AGBL4: variants seen among roughly 807,000 people sequenced by gnomAD.
AGBL4 encodes cytosolic carboxypeptidase 6.
A neutral mutation model predicts 66.4 loss-of-function variants in AGBL4; 58 were observed. The ratio of observed to expected loss-of-function variants is 0.87; its 90% CI spans 0.71 to 1.09. The LOEUF is 1.09. Among genes scored for constraint, AGBL4 ranks in the 50% least tolerant of loss-of-function variants. The pLI is 0.00. For synonymous variants in AGBL4, 234 were observed against 222.9 expected (o/e 1.05, Z -0.44); for missense variants, 579 against 631.0 (o/e 0.92, Z 0.88).
intron 1 of AGBL4, among the ~76,000 whole-genome samples, chr1:49,914,169 T>C (rs1651148020): frequency 6.6e-6 from 1 of 152,244 alleles, no homozygotes; most frequent in South Asian, 2.1e-4. Flanking sequence ...ATCTTTCCAA[T>C]CTGCTTCCCT....
chr1:49,115,655 G>A (rs1237260731), intron 4 of AGBL4, among the ~76,000 whole-genome samples: 1 of 152,074 alleles, frequency 6.6e-6, no homozygotes, highest in Admixed American at 6.6e-5. Context: ...TATTTGGGCT[G>A]GGATGAATGA....
At chr1:49,447,639 T>A (rs1646189192) in intron 3 of AGBL4, among the ~76,000 whole-genome samples, 1 of 152,136 alleles carries the variant, frequency 6.6e-6, no homozygotes, top group South Asian at 2.1e-4. Context: ...CCCATGCTAG[T>A]GTCAGGGCTT....
At chr1:49,961,552 A>G (rs1307607149) in intron 1 of AGBL4, among the ~76,000 whole-genome samples, 1 of 152,078 alleles carries the variant, frequency 6.6e-6, no homozygotes, top group Non-Finnish European at 1.5e-5. Context: ...GTTCTTTAGG[A>G]CTTTTCTACT....
chr1:48,594,629 C>T (rs1447653913), intron 9 of AGBL4, among the ~76,000 whole-genome samples: 1 of 152,084 alleles, frequency 6.6e-6, no homozygotes. Flanking sequence ...AATTATTTTA[C>T]TGTTGCTTCC....
chr1:48,867,072 A>T, intron 6 of AGBL4, 119 bp downstream of exon 6: 4 of 1,115,352 alleles, frequency 3.6e-6, no homozygotes, highest in Non-Finnish European at 5.3e-6. Flanking sequence ...ATGGTGCAAG[A>T]GTTCTGCCGT....
At chr1:49,408,304 T>C (rs565466034) in intron 3 of AGBL4, among the ~76,000 whole-genome samples, 1 of 152,234 alleles carries the variant, frequency 6.6e-6, no homozygotes, top group African/African-American at 2.4e-5. Context: ...ATTTTTTAAA[T>C]ACCAAATAAA....
chr1:49,453,147 C>T (rs1351211549), intron 3 of AGBL4, among the ~76,000 whole-genome samples: 2 of 151,826 alleles, frequency 1.3e-5, no homozygotes, highest in Non-Finnish European at 2.9e-5. Flanking sequence ...TAAGGTCATG[C>T]CACTAAACAA....
intron 6 of AGBL4, among the ~76,000 whole-genome samples, chr1:48,676,342 G>A (rs1010826599): frequency 1.3e-5 from 2 of 152,266 alleles, no homozygotes; most frequent in African/African-American, 4.8e-5. Flanking sequence ...ACCCAGAGGT[G>A]AATGAGCATA....
chr1:49,417,918 G>A (rs1161144321), intron 3 of AGBL4, among the ~76,000 whole-genome samples: 1 of 152,140 alleles, frequency 6.6e-6, no homozygotes, highest in Non-Finnish European at 1.5e-5. Flanking sequence ...TGGATCCTCT[G>A]TATAATATGG....
chr1:49,847,974 T>A (rs1190168066), intron 2 of AGBL4, among the ~76,000 whole-genome samples: 1 of 152,244 alleles, frequency 6.6e-6, no homozygotes, highest in Non-Finnish European at 1.5e-5. Flanking sequence ...TTGCTGGGAT[T>A]ACAGGCGTGA....
At chr1:48,661,525 G>T (rs1356831459) in intron 7 of AGBL4, among the ~76,000 whole-genome samples, 1 of 152,244 alleles carries the variant, frequency 6.6e-6, no homozygotes, top group Non-Finnish European at 1.5e-5. Flanking sequence ...GGCAGGCATT[G>T]AAAGACTCTG....
intron 2 of AGBL4, among the ~76,000 whole-genome samples, chr1:49,734,793 C>T (rs1347388246): frequency 2.0e-5 from 3 of 149,626 alleles, no homozygotes; most frequent in Admixed American, 1.4e-4. Flanking sequence ...TTAAAATAAT[C>T]TATAATAGCA....
chr1:49,877,024 G>C (rs1055908706), intron 1 of AGBL4, among the ~76,000 whole-genome samples: 2 of 151,858 alleles, frequency 1.3e-5, no homozygotes, highest in African/African-American at 4.8e-5. Flanking sequence ...CTGAGACTTT[G>C]CTGAAGTTGA....
At chr1:48,851,594 A>C (rs1317822397) in intron 6 of AGBL4, among the ~76,000 whole-genome samples, 1 of 152,176 alleles carries the variant, frequency 6.6e-6, no homozygotes, top group African/African-American at 2.4e-5. Context: ...TTCCCCTACA[A>C]ATAGCTGAAA....
rs1382533306 is a variant in AGBL4 at position 49,268,409 on chromosome 1, A to ACACACACAC, written c.283-22546_283-22545insGTGTGTGTG. The ACACACACAC allele has an allele frequency of 4.5e-5, 6 of 133,006 alleles. No individual in the cohort carries two copies. In the South Asian group the frequency reaches 1.6e-3, roughly 35 times the overall value. The allele number at this position is 133,006 out of a possible 1,614,324, so 8.2% of individuals were successfully genotyped here. A position where few individuals can be genotyped will look rare whatever the true frequency, so the allele number is the denominator to read the frequency against. Reference sequence around the variant, plus strand: ...AAATTCCTTTCCTTTTTTTTTTTTAAACACACACACACACACACACACACA... The same window carrying ACACACACAC: ...AAATTCCTTTCCTTTTTTTTTTTTAACACACACACACACACACACACACACACACACACA... On this transcript the variant is annotated intron_variant, in intron 3 of 13. Transcript: ENST00000371839.
chr1:49,008,791 G>A (rs1413758064), intron 5 of AGBL4, among the ~76,000 whole-genome samples: 14 of 149,796 alleles, frequency 9.3e-5, no homozygotes, highest in South Asian at 2.2e-4. Context: ...GGTACATAAC[G>A]AAATGAAGGC....
chr1:49,416,670 C>A (rs189137222), intron 3 of AGBL4, among the ~76,000 whole-genome samples: 16 of 152,154 alleles, frequency 1.1e-4, no homozygotes, highest in Admixed American at 3.3e-4. Context: ...CGAATTTCTT[C>A]ATATGAAAAA....
chr1:49,863,163 A>C (rs2148090275), intron 1 of AGBL4, among the ~76,000 whole-genome samples: 1 of 152,332 alleles, frequency 6.6e-6, no homozygotes, highest in East Asian at 1.9e-4. Context: ...ATTTTTGACA[A>C]AGGTGCCAAG....
chr1:49,439,492 T>C (rs1234712094), intron 3 of AGBL4, among the ~76,000 whole-genome samples: 3 of 152,202 alleles, frequency 2.0e-5, no homozygotes, highest in Non-Finnish European at 2.9e-5. Context: ...TTTTACCCTG[T>C]GTAGAGGATA....
Sources: gnomAD v4.1 joint callset for allele counts (sites outside exome capture counted in the v4.1 genomes callset) on GRCh38, gnomAD v4.1.1 for gene constraint, MANE v1.5 for transcripts, NCBI Gene and HGNC (gene_info 2026-07-23, HGNC 2026-07-21) for gene names.